Variants in IQCE observed in about 807,000 individuals in gnomAD.
IQCE encodes IQ domain-containing protein E.
Under a neutral mutation model 96.0 loss-of-function variants are expected in IQCE, and 115 were observed. The ratio of observed to expected loss-of-function variants is 1.20; its 90% CI spans 1.03 to 1.40. The LOEUF is 1.40. IQCE is among the 40% of genes most tolerant of loss of function. The pLI is 0.00. For synonymous variants in IQCE, 412 were observed against 371.2 expected, an observed-to-expected ratio of 1.11 and a Z score of -1.26; for missense variants, 1,041 against 909.1, an observed-to-expected ratio of 1.15 and a Z score of -1.87.
intron 1 of IQCE, among the ~76,000 whole-genome samples, chr7:2,563,378 TGTGTGTGTGTGTG>T (rs1562615855): frequency 2.0e-5 from 2 of 100,296 alleles, no homozygotes; most frequent in African/African-American, 3.3e-5. Context: ...TTTTTTGTTG[TGTGTGTGTGTGTG>T]TGTGTGTGTG....
intron 6 of IQCE, 62 bp downstream of exon 6, chr7:2,573,550 T>A: frequency 1.1e-6 from 1 of 928,652 alleles, no homozygotes; most frequent in South Asian, 1.4e-5. Flanking sequence ...AACAATGTAT[T>A]AGAACATCAG....
chr7:2,565,344 C>A (rs556190205), intron 1 of IQCE, among the ~76,000 whole-genome samples: 1 of 152,188 alleles, frequency 6.6e-6, no homozygotes, highest in East Asian at 1.9e-4. Flanking sequence ...GTCCTGACTG[C>A]GTTTCACCTC....
Position 2,590,022 on chromosome 7 carries a change from A to T in IQCE, c.1160A>T (p.Asn387Ile), listed in dbSNP as rs776623235. The T allele has an allele frequency of 3.1e-6, 5 of 1,613,872 alleles. No individual in the cohort carries two copies. The highest frequency in any genetic ancestry group is 1.7e-5 in the Admixed American group (1 of 60,024). ...CACAGACAGCCACGAGGGGACCGCA[A>T]CAAGGACCACGAGCGTCTCCGAGGG... is the stretch of plus-strand genomic sequence containing the variant. ...ALHRQPRGDR[N>I]KDHERLRGAV... Residue 387 changes from asparagine (N) to isoleucine (I), a missense_variant, in exon 14 of 22, where the codon AAC (asparagine) becomes ATC (isoleucine). Asn to Ile is a moderately radical substitution (Grantham distance 149). Transcript: ENST00000402050.
intron 8 of IQCE, among the ~76,000 whole-genome samples, chr7:2,579,310 A>G (rs1337777257): frequency 6.6e-6 from 1 of 152,230 alleles, no homozygotes; most frequent in African/African-American, 2.4e-5. Flanking sequence ...TTTTGAGATT[A>G]TTGAACGCAA....
chr7:2,589,801 C>G, intron 13 of IQCE, 106 bp from the exon 14 acceptor site: 1 of 1,102,162 alleles, frequency 9.1e-7, no homozygotes, highest in South Asian at 1.4e-5. Flanking sequence ...TCTCATGGCC[C>G]TGCTGGAGAC....
intron 12 of IQCE, 71 bp downstream of exon 12, chr7:2,586,442 G>T: frequency 6.8e-7 from 1 of 1,475,272 alleles, no homozygotes; most frequent in South Asian, 1.3e-5. Flanking sequence ...TGGCCACTGG[G>T]TAGGCCCAAC....
At chr7:2,589,700 C>G (rs1335694399) in intron 13 of IQCE, among the ~76,000 whole-genome samples, 1 of 152,134 alleles carries the variant, frequency 6.6e-6, no homozygotes, top group Non-Finnish European at 1.5e-5. Context: ...GCGTGCCTCA[C>G]TTCTGATTAA....
intron 1 of IQCE, among the ~76,000 whole-genome samples, chr7:2,559,714 C>G (rs992094473): frequency 8.0e-6 from 1 of 124,916 alleles, no homozygotes; most frequent in African/African-American, 3.0e-5. Flanking sequence ...GTTACTTTGC[C>G]CGGTAAATAT....
At chr7:2,562,522 A>G (rs1781040796) in intron 1 of IQCE, among the ~76,000 whole-genome samples, 1 of 150,590 alleles carries the variant, frequency 6.6e-6, no homozygotes, top group Admixed American at 6.6e-5. Flanking sequence ...TAAATGTTTG[A>G]TAGAATTCAC....
At chr7:2,601,395 T>A (rs1784419637) in intron 17 of IQCE, 46 bp from the exon 18 acceptor site, 1 of 1,287,734 alleles carries the variant, frequency 7.8e-7, no homozygotes, top group Non-Finnish European at 1.1e-6. Context: ...ACATTCATCC[T>A]TCTCGTGTTA....
chr7:2,576,966 G>A (rs539575447), intron 6 of IQCE, among the ~76,000 whole-genome samples: 1 of 152,278 alleles, frequency 6.6e-6, no homozygotes, highest in Admixed American at 6.5e-5. Context: ...TCCGTGGGAC[G>A]GGGTTTCTCA....
chr7:2,562,117 C>T (rs1350141167), intron 1 of IQCE, among the ~76,000 whole-genome samples: 2 of 152,086 alleles, frequency 1.3e-5, no homozygotes, highest in African/African-American at 2.4e-5. Context: ...TAGATTTTGT[C>T]AAACATACCT....
intron 16 of IQCE, chr7:2,597,074 C>G (rs563859152): frequency 2.8e-5 from 13 of 471,044 alleles, no homozygotes; most frequent in Non-Finnish European, 5.7e-5. Context: ...GGCCAGGAGG[C>G]GGCAGGGTCG....
chr7:2,611,147 G>GCCGGGCCGGGC lies in IQCE; in HGVS notation c.*986_*987insCGGGCCGGGCC, dbSNP rs1785090628. ...GCTGGGCTGGGCTGGGCTGGGCCGGGCGTGCGGAGCCTGTGGAGCCAGCAG... is the reference window on the plus strand; with the variant it reads ...GCTGGGCTGGGCTGGGCTGGGCCGGGCCGGGCCGGGCCGTGCGGAGCCTGTGGAGCCAGCAG... On this transcript the variant is annotated 3_prime_UTR_variant, in exon 22 of 22. Transcript: ENST00000402050. The GCCGGGCCGGGC allele has an allele frequency of 6.6e-6, 1 of 152,670 alleles. No individual in the cohort carries two copies. The highest frequency in any genetic ancestry group is 2.4e-5 in the African/African-American group (1 of 41,224). 9.5% of individuals were successfully genotyped at this position (152,670 alleles called of 1,614,324 possible). A position where few individuals can be genotyped will look rare whatever the true frequency, so the allele number is the denominator to read the frequency against.
chr7:2,603,309 G>C (rs541195691), intron 18 of IQCE, among the ~76,000 whole-genome samples: 14 of 152,158 alleles, frequency 9.2e-5, no homozygotes, highest in Non-Finnish European at 1.3e-4. Flanking sequence ...CCAGCCTCCC[G>C]TCAGAATGCA....
At chr7:2,589,283 G>A (rs902257896) in intron 13 of IQCE, among the ~76,000 whole-genome samples, 2 of 151,914 alleles carry the variant, frequency 1.3e-5, no homozygotes, top group African/African-American at 2.4e-5. Context: ...CAGGAGGAAC[G>A]CTTGAGCCCA....
rs73275167 is a variant in IQCE, at chr7:2,597,717, G to A, written c.1441-748G>A. On this transcript the variant is annotated intron_variant, in intron 16 of 21. Coordinates refer to ENST00000402050, the MANE Select transcript of IQCE (RefSeq NM_152558.5). ...GGGTCTCACTCTGTTGCCCAGGCTC[G>A]ACTACAGCGGCACAATCATGGCTCA... Among the ~76,000 whole-genome samples the A allele has an allele frequency of 9.4e-3, 1,424 of 152,174 alleles. 21 individuals are homozygous for A. The highest frequency in any genetic ancestry group is 0.032 in the African/African-American group (1,334 of 41,504).
chr7:2,583,148 T>C (rs1009445414), intron 9 of IQCE, among the ~76,000 whole-genome samples: 2 of 152,226 alleles, frequency 1.3e-5, no homozygotes, highest in African/African-American at 2.4e-5. Flanking sequence ...CTTATTTCAG[T>C]GCAGAACCTC....
chr7:2,573,172 T>G (rs1781880902), intron 5 of IQCE, among the ~76,000 whole-genome samples: 1 of 152,232 alleles, frequency 6.6e-6, no homozygotes, highest in African/African-American at 2.4e-5. Context: ...GTCATGAAAC[T>G]TGGTCTTCAC....
Sources: allele counts gnomAD v4.1 joint callset (sites outside exome capture counted in the v4.1 genomes callset), GRCh38; gene constraint gnomAD v4.1.1; transcripts MANE v1.5; gene names NCBI Gene and HGNC (gene_info 2026-07-23, HGNC 2026-07-21).